The following SLC35F4 variants were observed in gnomAD, a reference collection of about 807,000 sequenced individuals.
SLC35F4 encodes chromosome 14 open reading frame 36.
SLC35F4 carries 24 observed loss-of-function variants against 44.2 expected under a neutral mutation model. The observed-to-expected ratio is 0.54, with a 90% CI of 0.39 to 0.76. The LOEUF is 0.76. Ranked by LOEUF, SLC35F4 falls within the 30% of genes least tolerant of loss-of-function variation. The pLI is 0.00. For synonymous variants in SLC35F4, 238 were observed against 223.6 expected, an observed-to-expected ratio of 1.06 and a Z score of -0.57; for missense variants, 562 against 586.1, an observed-to-expected ratio of 0.96 and a Z score of 0.42.
intron 1 of SLC35F4, among the ~76,000 whole-genome samples, chr14:57,965,530 G>C (rs961314051): frequency 2.0e-5 from 3 of 152,106 alleles, no homozygotes; most frequent in African/African-American, 7.2e-5. Flanking sequence ...ACTTCTTTGG[G>C]GAGGCAATTT....
At chr14:57,931,652 T>C (rs1231157742) in intron 1 of SLC35F4, among the ~76,000 whole-genome samples, 1 of 152,224 alleles carries the variant, frequency 6.6e-6, no homozygotes, top group Non-Finnish European at 1.5e-5. Flanking sequence ...CCTTTGAACA[T>C]TAGATCATGT....
At chr14:57,925,764 C>T (rs1020419367) in intron 1 of SLC35F4, among the ~76,000 whole-genome samples, 2 of 151,660 alleles carry the variant, frequency 1.3e-5, no homozygotes, top group African/African-American at 4.9e-5. Context: ...CACTTACATC[C>T]AAATTTAAAC....
chr14:57,782,840 G>C (rs2077658768), intron 1 of SLC35F4, among the ~76,000 whole-genome samples: 1 of 152,158 alleles, frequency 6.6e-6, no homozygotes, highest in Admixed American at 6.6e-5. Flanking sequence ...AGTGATGCTG[G>C]AAGTGCTCCC....
At chr14:57,827,414 T>G (rs1186889629) in intron 1 of SLC35F4, among the ~76,000 whole-genome samples, 2 of 152,106 alleles carry the variant, frequency 1.3e-5, no homozygotes, top group Non-Finnish European at 2.9e-5. Flanking sequence ...ACCTAGGAGA[T>G]AAGTTGACAA....
intron 1 of SLC35F4, among the ~76,000 whole-genome samples, chr14:57,748,419 C>T (rs1214270666): frequency 6.6e-6 from 1 of 152,044 alleles, no homozygotes; most frequent in African/African-American, 2.4e-5. Flanking sequence ...CCTTTTATAG[C>T]TACAGTGGGT....
chr14:57,884,513 G>A (rs1351235748), intron 1 of SLC35F4, among the ~76,000 whole-genome samples: 4 of 152,196 alleles, frequency 2.6e-5, no homozygotes, highest in African/African-American at 9.6e-5. Flanking sequence ...TCTCTCCAAA[G>A]GGAATAGTTT....
chr14:57,859,445 C>T (rs1887486132), intron 1 of SLC35F4, among the ~76,000 whole-genome samples: 1 of 152,166 alleles, frequency 6.6e-6, no homozygotes, highest in African/African-American at 2.4e-5. Context: ...TTGCTCTCTG[C>T]CTTCCAGATT....
upstream of SLC35F4, among the ~76,000 whole-genome samples, chr14:57,866,241 G>A: frequency 6.6e-6 from 1 of 152,218 alleles, no homozygotes; most frequent in South Asian, 2.1e-4. Flanking sequence ...TTTGGTCAGT[G>A]GGGCGCGAGA....
intron 1 of SLC35F4, among the ~76,000 whole-genome samples, chr14:57,939,083 G>A (rs534222037): frequency 6.6e-6 from 1 of 152,102 alleles, no homozygotes; most frequent in South Asian, 2.1e-4. Context: ...CTTCAGTGCT[G>A]GTATCTTTCC....
chr14:57,681,845 G>C (rs903467031), intron 1 of SLC35F4, among the ~76,000 whole-genome samples: 2 of 151,706 alleles, frequency 1.3e-5, no homozygotes, highest in African/African-American at 4.9e-5. Flanking sequence ...GATATGAACA[G>C]ACACTTCTCA....
chr14:57,957,827 G>T (rs901407681), intron 1 of SLC35F4, among the ~76,000 whole-genome samples: 4 of 152,074 alleles, frequency 2.6e-5, no homozygotes, highest in Non-Finnish European at 1.5e-5. Flanking sequence ...ATAAAATAAA[G>T]AAATAGAATC....
chr14:57,895,576 C>G (rs1888853753), intron 1 of SLC35F4, among the ~76,000 whole-genome samples: 1 of 147,944 alleles, frequency 6.8e-6, no homozygotes, highest in Non-Finnish European at 1.5e-5. Context: ...CTCTCTCGCT[C>G]TCTCACTCTC....
At chr14:57,677,862 C>T (rs1940429113) in intron 1 of SLC35F4, among the ~76,000 whole-genome samples, 1 of 151,340 alleles carries the variant, frequency 6.6e-6, no homozygotes, top group African/African-American at 2.4e-5. Context: ...AGGCAATTCA[C>T]AAAAAAAGAA....
chr14:57,937,349 C>T (rs978711202), intron 1 of SLC35F4, among the ~76,000 whole-genome samples: 43 of 152,022 alleles, frequency 2.8e-4, no homozygotes, highest in Admixed American at 4.6e-4. Context: ...ATTACAGGCG[C>T]GAGCCACCGC....
At chr14:57,595,524 G>T (rs2070438665) in intron 1 of SLC35F4, among the ~76,000 whole-genome samples, 1 of 152,164 alleles carries the variant, frequency 6.6e-6, no homozygotes. Flanking sequence ...ACTTTCTGGA[G>T]TCGGGGAGGT....
intron 1 of SLC35F4, among the ~76,000 whole-genome samples, chr14:57,727,116 A>C (rs58759291): frequency 0.45 from 59,301 of 132,362 alleles, 11,740 homozygotes; most frequent in South Asian, 0.48. Flanking sequence ...TAATAAGCTC[A>C]TATATATATG....
At chr14:57,932,537 G>A (rs1889716814) in intron 1 of SLC35F4, among the ~76,000 whole-genome samples, 1 of 152,126 alleles carries the variant, frequency 6.6e-6, no homozygotes, top group Admixed American at 6.5e-5. Flanking sequence ...GACATAAACT[G>A]GAGGGGTTCT....
chr14:57,952,340 CA>C (rs1324047271), intron 1 of SLC35F4, among the ~76,000 whole-genome samples: 3 of 152,118 alleles, frequency 2.0e-5, no homozygotes, highest in African/African-American at 7.2e-5. Flanking sequence ...AAAAACAGCA[CA>C]AAAAGGCTGA....
At chr14:57,847,630 A>T (rs1398503062) in intron 1 of SLC35F4, among the ~76,000 whole-genome samples, 2 of 152,230 alleles carry the variant, frequency 1.3e-5, no homozygotes, top group East Asian at 3.8e-4. Context: ...ACAATATAAC[A>T]TACATACAGA....
Sources: gnomAD v4.1 joint callset for allele counts (sites outside exome capture counted in the v4.1 genomes callset) on GRCh38, gnomAD v4.1.1 for gene constraint, MANE v1.5 for transcripts, NCBI Gene and HGNC (gene_info 2026-07-23, HGNC 2026-07-21) for gene names.